Variants in DPP10 observed in about 807,000 individuals in gnomAD.
The protein encoded by DPP10 is inactive dipeptidyl peptidase 10.
Under a neutral mutation model 120.9 loss-of-function variants are expected in DPP10, and 33 were observed. That is an observed-to-expected ratio of 0.27 (90% CI 0.21 to 0.37). The LOEUF (loss-of-function observed/expected upper bound fraction) is 0.37, where lower values mean the gene tolerates loss of function less well. DPP10 is among the 10% of genes least tolerant of loss of function. The pLI, the probability that DPP10 is intolerant of heterozygous loss-of-function variation, is 1.00. For missense variants in DPP10, 816 were observed against 942.8 expected, an observed-to-expected ratio of 0.87 and a Z score of 1.76; for synonymous variants, 337 against 326.1, an observed-to-expected ratio of 1.03 and a Z score of -0.36.
At chr2:115,138,154 G>C (rs2104826015) in intron 1 of DPP10, among the ~76,000 whole-genome samples, 1 of 152,142 alleles carries the variant, frequency 6.6e-6, no homozygotes, top group East Asian at 1.9e-4. Flanking sequence ...TGGGGGTCTG[G>C]GTGGCTATCT....
intron 1 of DPP10, among the ~76,000 whole-genome samples, chr2:114,856,565 T>C (rs189883159): frequency 6.6e-6 from 1 of 152,188 alleles, no homozygotes; most frequent in Non-Finnish European, 1.5e-5. Flanking sequence ...TGAAAAAGCA[T>C]AAAGTACTGC....
chr2:115,626,113 G>A (rs771432716), intron 5 of DPP10, among the ~76,000 whole-genome samples: 28 of 151,496 alleles, frequency 1.8e-4, no homozygotes, highest in Non-Finnish European at 3.8e-4. Flanking sequence ...GTGAAAATGG[G>A]ATAGAGGGAA....
At position 115,511,725 on chromosome 2, in the gene DPP10, C is replaced by CT. The variant is rs1370971960; in HGVS notation, c.366+12123dup. ...CTTTCTTCTTCTTCTTCTTCTTCTT[C>CT]TTCTTCTTTTTTTTTTTTTTGACAC... is the stretch of plus-strand genomic sequence containing the variant. On this transcript the variant is annotated intron_variant, in intron 4 of 25. Coordinates refer to ENST00000410059, the MANE Select transcript of DPP10 (RefSeq NM_020868.6). Among the ~76,000 whole-genome samples the CT allele has an allele frequency of 1.9e-4, 22 of 115,850 alleles. 1 individual carries two copies. Among genetic ancestry groups the CT allele is most frequent in the East Asian group, 1.3e-3 (5 of 3,990 alleles). 76.0% of individuals were successfully genotyped at this position (115,850 alleles called of 152,430 possible).
chr2:115,803,060 G>A (rs1398238567), intron 19 of DPP10, among the ~76,000 whole-genome samples: 3 of 152,232 alleles, frequency 2.0e-5, no homozygotes, highest in East Asian at 1.9e-4. Context: ...TATTGTGTGG[G>A]ATTCTAAGTC....
At position 114,718,657 on chromosome 2, in the gene DPP10, A is replaced by G. The variant is rs557816263; in HGVS notation, c.60+275819A>G. Among the ~76,000 whole-genome samples the G allele has an allele frequency of 3.9e-5, 6 of 152,292 alleles. No homozygotes were observed. The South Asian group carries it at 1.2e-3, about 32-fold the overall frequency. ...ACAGTTTCGTTAAACAAATCTGTTC[A>G]AGGATTCTTGGATGCTATTTAAAAT... On this transcript the variant is annotated intron_variant, in intron 1 of 25. Transcript: ENST00000410059.
intron 7 of DPP10, among the ~76,000 whole-genome samples, chr2:115,713,757 C>T (rs907852162): frequency 6.6e-6 from 1 of 152,094 alleles, no homozygotes; most frequent in African/African-American, 2.4e-5. Flanking sequence ...TTGTCTTCCT[C>T]CTCCTTTTTC....
intron 1 of DPP10, among the ~76,000 whole-genome samples, chr2:114,932,209 T>C (rs545185990): frequency 6.6e-6 from 1 of 152,236 alleles, no homozygotes; most frequent in Non-Finnish European, 1.5e-5. Context: ...GCCCTCCAGG[T>C]GACTCTGATA....
intron 1 of DPP10, among the ~76,000 whole-genome samples, chr2:114,726,849 AG>A (rs1431521534): frequency 6.6e-6 from 1 of 152,228 alleles, no homozygotes; most frequent in East Asian, 1.9e-4. Context: ...CAAAGATCAA[AG>A]TATGATTAGA....
intron 1 of DPP10, among the ~76,000 whole-genome samples, chr2:114,939,739 T>C (rs539986326): frequency 6.6e-6 from 1 of 152,276 alleles, no homozygotes; most frequent in South Asian, 2.1e-4. Context: ...TGTGTTCACA[T>C]GTCTTTGGAT....
At chr2:114,977,587 C>G (rs1167135507) in intron 1 of DPP10, among the ~76,000 whole-genome samples, 1 of 152,222 alleles carries the variant, frequency 6.6e-6, no homozygotes, top group East Asian at 1.9e-4. Context: ...GGTAGGGGTT[C>G]TGCAAGTCAG....
At chr2:115,661,820 A>T (rs2089000290) in intron 5 of DPP10, among the ~76,000 whole-genome samples, 1 of 152,254 alleles carries the variant, frequency 6.6e-6, no homozygotes, top group Non-Finnish European at 1.5e-5. Context: ...TACCACAATT[A>T]AGCTTATTAA....
At position 115,043,465 on chromosome 2, in the gene DPP10, G is replaced by A. The variant is rs575746247; in HGVS notation, c.61-265774G>A. Among the ~76,000 whole-genome samples the A allele has an allele frequency of 6.0e-4, 92 of 152,256 alleles. 2 individuals are homozygous for A. The highest frequency in any genetic ancestry group is 5.9e-4 in the Admixed American group (9 of 15,292). On this transcript the variant is annotated intron_variant, in intron 1 of 25. Coordinates refer to ENST00000410059, the MANE Select transcript of DPP10 (RefSeq NM_020868.6). ...AAATGTCAACAATTTGTGTAGTTAC[G>A]CATTTAAAAAGTCTTCTTCAATGGA... is the stretch of plus-strand genomic sequence containing the variant.
chr2:114,941,268 A>G (rs1276149858), intron 1 of DPP10, among the ~76,000 whole-genome samples: 1 of 152,178 alleles, frequency 6.6e-6, no homozygotes, highest in Non-Finnish European at 1.5e-5. Flanking sequence ...TCTTGTTGTC[A>G]AATGTTCACT....
chr2:114,663,558 C>A (rs1697613877), intron 1 of DPP10, among the ~76,000 whole-genome samples: 1 of 148,372 alleles, frequency 6.7e-6, no homozygotes, highest in Non-Finnish European at 1.5e-5. Context: ...AGGACAAGTC[C>A]CTGTCATTAT....
chr2:115,241,194 G>A lies in DPP10; in HGVS notation c.61-68045G>A, dbSNP rs556394869. 1.2e-4 allele frequency among the ~76,000 whole-genome samples: 18 copies of A among 152,270 alleles called. No homozygotes were observed. The South Asian group carries it at 3.5e-3, about 30-fold the overall frequency. On this transcript the variant is annotated intron_variant, in intron 1 of 25. Coordinates refer to ENST00000410059, the MANE Select transcript of DPP10 (RefSeq NM_020868.6). ...TGAGACAGGAGAATTGCTTGAACCC[G>A]GGAGGCGGAGGTTCCAGTGAGCTGA...
intron 1 of DPP10, among the ~76,000 whole-genome samples, chr2:114,509,816 A>G (rs1005798842): frequency 3.9e-5 from 6 of 152,248 alleles, no homozygotes; most frequent in Non-Finnish European, 1.5e-5. Flanking sequence ...ATAAGCCAGT[A>G]TGGTCCTATA....
At chr2:115,118,306 A>G (rs1244831961) in intron 1 of DPP10, among the ~76,000 whole-genome samples, 3 of 152,224 alleles carry the variant, frequency 2.0e-5, no homozygotes, top group East Asian at 1.9e-4. Context: ...TATTTACTCC[A>G]AAGTAATTTC....
intron 3 of DPP10, among the ~76,000 whole-genome samples, chr2:115,449,486 A>G (rs2072922648): frequency 6.6e-6 from 1 of 152,108 alleles, no homozygotes; most frequent in Non-Finnish European, 1.5e-5. Flanking sequence ...TTAAGGATCA[A>G]TATAATGTGG....
At chr2:114,802,071 C>A (rs1684302021) in intron 1 of DPP10, among the ~76,000 whole-genome samples, 1 of 152,044 alleles carries the variant, frequency 6.6e-6, no homozygotes, top group Non-Finnish European at 1.5e-5. Context: ...AAGAATCAGT[C>A]TAGGATTACT....
Sources: allele counts gnomAD v4.1 joint callset (sites outside exome capture counted in the v4.1 genomes callset), GRCh38; gene constraint gnomAD v4.1.1; transcripts MANE v1.5; gene names NCBI Gene and HGNC (gene_info 2026-07-23, HGNC 2026-07-21).